Variants in ARHGEF11 observed in about 807,000 individuals in gnomAD.
ARHGEF11 encodes the protein Rho guanine nucleotide exchange factor 11.
ARHGEF11 carries 55 observed loss-of-function variants against 193.7 expected under a neutral mutation model. The observed-to-expected ratio is 0.28, with a 90% CI of 0.23 to 0.36. The LOEUF (loss-of-function observed/expected upper bound fraction) is 0.36, where lower values mean the gene tolerates loss of function less well. ARHGEF11 is among the 10% of genes least tolerant of loss of function. The pLI is 1.00. For synonymous variants in ARHGEF11, 693 were observed against 768.0 expected (o/e 0.90, Z 1.62); for missense variants, 1,723 against 2,005.6 (o/e 0.86, Z 2.69).
chr1:157,013,259 T>TCACACACACACACA (rs567488551), intron 1 of ARHGEF11, among the ~76,000 whole-genome samples: 3,110 of 109,440 alleles, frequency 0.028, 214 homozygotes, highest in Middle Eastern at 0.061. Flanking sequence ...CTCCCCACTA[T>TCACACACACACACA]CACTCACACA....
At chr1:156,977,410 TTTTTG>T (rs1413941166) in intron 6 of ARHGEF11, among the ~76,000 whole-genome samples, 2 of 152,100 alleles carry the variant, frequency 1.3e-5, no homozygotes, top group Admixed American at 6.5e-5. Context: ...TCTACTTGTT[TTTTTG>T]TTTTGTTTTT....
At chr1:156,995,197 C>T (rs1666306212) in intron 1 of ARHGEF11, among the ~76,000 whole-genome samples, 2 of 152,224 alleles carry the variant, frequency 1.3e-5, no homozygotes, top group Admixed American at 1.3e-4. Flanking sequence ...TTCTTACACA[C>T]AGAGTGATCT....
chr1:156,966,662 G>A (rs1661703935), intron 11 of ARHGEF11, among the ~76,000 whole-genome samples: 1 of 152,158 alleles, frequency 6.6e-6, no homozygotes, highest in Non-Finnish European at 1.5e-5. Flanking sequence ...AAATAATACT[G>A]GCTCATATTG....
In ARHGEF11 at chr1:156,986,123, G is replaced by A. The variant is rs1664884412; in HGVS notation, c.83C>T (p.Pro28Leu). Residue 28 changes from proline (P) to leucine (L), a missense_variant, in exon 2 of 41, where the codon CCT becomes CTT. Transcript: ENST00000368194. The stretch of plus-strand genomic sequence containing the variant: ...ATCCGAAGGCTGGCGATGGTGGGAA[G>A]GGGACTTGCGCTCTGGTGCAGAATC... ...LGDSAPERKS[P>L]SHHRQPSDAS... 1 of 1,613,906 alleles carries A rather than the reference G, an allele frequency of 6.2e-7. No individual in the cohort carries two copies. Among genetic ancestry groups the A allele is most frequent in the Admixed American group, 1.7e-5 (1 of 59,990 alleles).
In ARHGEF11 at chr1:156,962,091, T is replaced by C. The variant is rs1328519919; in HGVS notation, c.1141-316A>G. 3.3e-5 allele frequency among the ~76,000 whole-genome samples: 5 copies of C among 152,234 alleles called. 1 individual carries two copies. The highest frequency in any genetic ancestry group is 2.0e-4 in the Admixed American group (3 of 15,286). On this transcript the variant is annotated intron_variant, in intron 13 of 40. Coordinates refer to ENST00000368194, the MANE Select transcript of ARHGEF11 (RefSeq NM_198236.3). ...GCACATCTTCAACACTGATCACTCCTCAACTCTGTATCCTCTCCACACGTG... is the reference window on the plus strand; with the variant it reads ...GCACATCTTCAACACTGATCACTCCCCAACTCTGTATCCTCTCCACACGTG...
intron 1 of ARHGEF11, among the ~76,000 whole-genome samples, chr1:157,039,679 G>A (rs1039795265): frequency 9.2e-5 from 14 of 152,190 alleles, no homozygotes; most frequent in African/African-American, 3.4e-4. Context: ...TCCAAGCCAC[G>A]TGATATATCT....
chr1:156,977,320 A>C (rs924469500), intron 6 of ARHGEF11, among the ~76,000 whole-genome samples: 15 of 152,184 alleles, frequency 9.9e-5, no homozygotes, highest in Non-Finnish European at 1.8e-4. Context: ...CCAACTGAAA[A>C]GTCCTGTTCC....
chr1:157,011,091 T>C (rs1373340207), intron 1 of ARHGEF11, among the ~76,000 whole-genome samples: 1 of 152,190 alleles, frequency 6.6e-6, no homozygotes, highest in Non-Finnish European at 1.5e-5. Flanking sequence ...GATTTCAAGA[T>C]CTACCAGAAA....
chr1:156,948,028 C>T lies in ARHGEF11; in HGVS notation c.2154-72G>A. 1.3e-6 allele frequency: 2 copies of T among 1,565,598 alleles called. No homozygotes were observed. Among genetic ancestry groups the T allele is most frequent in the Non-Finnish European group, 1.7e-6 (2 of 1,150,162 alleles). ...CACAGAGGGTTTGGCCCTCCCTCTC[C>T]TGCCCGACCTGCTTGCCCCATGCAC... On this transcript the variant is annotated intron_variant, in intron 24 of 40. Transcript: ENST00000368194. This position sits in a 1 kb window ranked among gnomAD's most constrained non-coding sequence, Gnocchi z 4.2.
At position 156,958,731 on chromosome 1, in the gene ARHGEF11, G is replaced by T. The variant is rs1455093035; in HGVS notation, c.1502+11C>A. On this transcript the variant is annotated intron_variant, in intron 17 of 40. Coordinates refer to ENST00000368194, the MANE Select transcript of ARHGEF11 (RefSeq NM_198236.3). ...ATGTTCAGTGGGGTGGGAGGAAGCT[G>T]AAAGACTCACAAAATATCTCCAAGG... 6.2e-7 allele frequency: 1 copy of T among 1,614,010 alleles called. No individual in the cohort carries two copies. Among genetic ancestry groups the T allele is most frequent in the Admixed American group, 1.7e-5 (1 of 59,998 alleles).
At chr1:156,977,986 A>G (rs189136125) in intron 6 of ARHGEF11, among the ~76,000 whole-genome samples, 116 of 152,304 alleles carry the variant, frequency 7.6e-4, no homozygotes, top group Non-Finnish European at 7.4e-5. Flanking sequence ...GTGTGATAAA[A>G]CCTCATATGC....
rs1385362147 is a variant in ARHGEF11 at position 156,946,120 on chromosome 1, C to T, written c.2737G>A (p.Asp913Asn). The T allele has an allele frequency of 6.2e-7, 1 of 1,613,536 alleles. No individual in the cohort carries two copies. Among genetic ancestry groups the T allele is most frequent in the Non-Finnish European group, 8.5e-7 (1 of 1,179,946 alleles). ...HPQCRRLQLR[D>N]LIISEMQRLT... is the part of the protein sequence containing the mutation. ...CGCTGCATCTCAGAGATGATGAGGT[C>T]TCTCAGCTGCAGCCGCCGACACTGA... The change falls in exon 29 of 41, where the codon GAC (aspartate) becomes AAC (asparagine). Residue 913 changes from aspartate (D) to asparagine (N), a missense_variant. Transcript: ENST00000368194.
At chr1:156,936,778 C>T in intron 40 of ARHGEF11, 38 bp downstream of exon 40, 3 of 1,589,628 alleles carry the variant, frequency 1.9e-6, no homozygotes, top group Non-Finnish European at 2.6e-6. Flanking sequence ...GACTTCTCCC[C>T]CAATGGTAGG....
At position 156,945,141 on chromosome 1, in the gene ARHGEF11, GA is replaced by G. The variant is rs1393628734; in HGVS notation, c.2868del (p.Leu957SerfsTer4). 6.2e-7 allele frequency: 1 copy of G among 1,614,162 alleles called. No homozygotes were observed. Among genetic ancestry groups the G allele is most frequent in the Non-Finnish European group, 8.5e-7 (1 of 1,180,024 alleles). On this transcript the variant is annotated frameshift_variant, in exon 30 of 41. Coordinates refer to ENST00000368194, the MANE Select transcript of ARHGEF11 (RefSeq NM_198236.3). LOFTEE classifies it high-confidence loss of function. ...LCRARDQCRE[I>X]LKYVNEAVKQ... Reference sequence around the variant, plus strand: ...TTTACCGCTTCATTCACATACTTGAGAATCTCCCGGCACTGGTCCCGGGCCC... The same window carrying G: ...TTTACCGCTTCATTCACATACTTGAGATCTCCCGGCACTGGTCCCGGGCCC...
intron 1 of ARHGEF11, among the ~76,000 whole-genome samples, chr1:157,028,245 T>C (rs1185008577): frequency 6.6e-6 from 1 of 152,240 alleles, no homozygotes; most frequent in African/African-American, 2.4e-5. Context: ...GGGAGCTGGC[T>C]TGTTAATTGG....
intron 1 of ARHGEF11, among the ~76,000 whole-genome samples, chr1:157,010,248 G>T (rs1416198531): frequency 1.3e-5 from 2 of 152,150 alleles, no homozygotes; most frequent in African/African-American, 4.8e-5. Flanking sequence ...AGGGAGTTCT[G>T]GCCAGGGCAA....
rs1327810908 is a variant in ARHGEF11 at position 156,948,841 on chromosome 1, A to AGAAGGTG, written c.1926-350_1926-344dup. On this transcript the variant is annotated intron_variant, in intron 22 of 40. Coordinates refer to ENST00000368194, the MANE Select transcript of ARHGEF11 (RefSeq NM_198236.3). This position sits in a 1 kb window ranked among gnomAD's most constrained non-coding sequence, Gnocchi z 4.2. The stretch of plus-strand genomic sequence containing the variant: ...GGCCTGAGACACCATGCTTCTGTCA[A>AGAAGGTG]GAAGGTGGTAGACATCATCGTCCCT... 7.1e-6 allele frequency: 7 copies of AGAAGGTG among 984,976 alleles called. No individual in the cohort carries two copies. Among genetic ancestry groups the AGAAGGTG allele is most frequent in the Non-Finnish European group, 8.4e-6 (7 of 829,640 alleles). 61.0% of individuals were successfully genotyped at this position (984,976 alleles called of 1,614,324 possible).
intron 3 of ARHGEF11, among the ~76,000 whole-genome samples, chr1:156,983,791 G>C (rs1035362121): frequency 6.6e-6 from 1 of 152,182 alleles, no homozygotes; most frequent in Admixed American, 6.5e-5. Context: ...AAATGACTAT[G>C]CCTCAAATCA....
chr1:156,939,750 A>G lies in ARHGEF11; in HGVS notation c.3894T>C (p.Pro1298=). ...WDPGSPGQAP[P]GGEGDNTQLA... Reference sequence around the variant, plus strand: ...GCTGGGTGTTGTCCCCTTCACCCCCAGGGGGTGCTTGCCCTGGGGAGCCTG... The same window carrying G: ...GCTGGGTGTTGTCCCCTTCACCCCCGGGGGGTGCTTGCCCTGGGGAGCCTG... The change falls in exon 37 of 41, where the codon CCT becomes CCC. Residue 1298 remains proline (P), a synonymous_variant. Coordinates refer to ENST00000368194, the MANE Select transcript of ARHGEF11 (RefSeq NM_198236.3). 1 of 1,613,834 alleles carries G rather than the reference A, an allele frequency of 6.2e-7. No individual in the cohort carries two copies. Among genetic ancestry groups the G allele is most frequent in the African/African-American group, 1.3e-5 (1 of 74,972 alleles).
Sources: gnomAD v4.1 joint callset for allele counts (sites outside exome capture counted in the v4.1 genomes callset) on GRCh38, gnomAD v4.1.1 for gene constraint, Gnocchi (gnomAD v3.1) non-coding constraint, MANE v1.5 for transcripts, NCBI Gene and HGNC (gene_info 2026-07-23, HGNC 2026-07-21) for gene names.